The following NEGR1 variants were observed in gnomAD, a reference collection of about 807,000 sequenced individuals.
NEGR1 encodes the protein IgLON family member 4.
Under a neutral mutation model 40.9 loss-of-function variants are expected in NEGR1, and 10 were observed. The observed-to-expected ratio is 0.24, with a 90% CI of 0.15 to 0.42. The LOEUF is 0.42. Among genes scored for constraint, NEGR1 ranks in the 10% least tolerant of loss-of-function variants. The pLI is 1.00. For synonymous variants in NEGR1, 185 were observed against 166.8 expected, an observed-to-expected ratio of 1.11 and a Z score of -0.84; for missense variants, 352 against 438.9, an observed-to-expected ratio of 0.80 and a Z score of 1.77.
intron 4 of NEGR1, among the ~76,000 whole-genome samples, chr1:71,665,582 T>C (rs1364530367): frequency 6.6e-6 from 1 of 152,192 alleles, no homozygotes. Context: ...ATAAGCAGCC[T>C]GTCCCATTGT....
Position 71,622,130 on chromosome 1 carries a change from T to C in NEGR1, c.668-10984A>G, listed in dbSNP as rs571946551. 2.6e-4 allele frequency among the ~76,000 whole-genome samples: 39 copies of C among 152,060 alleles called. 1 individual carries two copies. The South Asian group carries it at 6.2e-3, about 24-fold the overall frequency. On this transcript the variant is annotated intron_variant, in intron 4 of 6. Coordinates refer to ENST00000357731, the MANE Select transcript of NEGR1 (RefSeq NM_173808.3). ...CACTGTAAAATATGTGTGAAATTTA[T>C]TGGGCCACCAGCTGTATCAACAGGA...
intron 1 of NEGR1, among the ~76,000 whole-genome samples, chr1:71,959,194 C>T (rs1646143087): frequency 6.6e-6 from 1 of 152,100 alleles, no homozygotes; most frequent in South Asian, 2.1e-4. Context: ...TGATGATTCT[C>T]AAATTCATCT....
intron 1 of NEGR1, among the ~76,000 whole-genome samples, chr1:71,941,929 A>G (rs1645963067): frequency 6.6e-6 from 1 of 152,056 alleles, no homozygotes; most frequent in African/African-American, 2.4e-5. Context: ...TGACTTGCTT[A>G]TTAACATTTG....
intron 1 of NEGR1, among the ~76,000 whole-genome samples, chr1:72,069,370 G>C (rs1304029572): frequency 6.6e-6 from 1 of 152,032 alleles, no homozygotes; most frequent in Non-Finnish European, 1.5e-5. Flanking sequence ...CCTGAGCCCA[G>C]AAGGCAGAGG....
At chr1:71,581,020 C>A (rs1050322347) in intron 6 of NEGR1, among the ~76,000 whole-genome samples, 4 of 152,138 alleles carry the variant, frequency 2.6e-5, no homozygotes, top group Non-Finnish European at 4.4e-5. Flanking sequence ...ATAAATGATA[C>A]TAAACACAAA....
intron 1 of NEGR1, among the ~76,000 whole-genome samples, chr1:72,155,497 CA>C: frequency 6.6e-6 from 1 of 151,836 alleles, no homozygotes; most frequent in African/African-American, 2.4e-5. Context: ...CCCAAATTCT[CA>C]AAAAAAGATG....
At chr1:72,193,310 A>G (rs1156498016) in intron 1 of NEGR1, among the ~76,000 whole-genome samples, 1 of 151,882 alleles carries the variant, frequency 6.6e-6, no homozygotes, top group Admixed American at 6.6e-5. Flanking sequence ...TAGTCCAGAA[A>G]AAAATCTATT....
chr1:71,959,500 A>G (rs534825964), intron 1 of NEGR1, among the ~76,000 whole-genome samples: 1 of 152,254 alleles, frequency 6.6e-6, no homozygotes, highest in South Asian at 2.1e-4. Context: ...AGTTCTTTTA[A>G]AAACATGCAT....
intron 2 of NEGR1, among the ~76,000 whole-genome samples, chr1:71,864,665 A>G (rs1660061182): frequency 6.6e-6 from 1 of 152,158 alleles, no homozygotes; most frequent in South Asian, 2.1e-4. Context: ...GGGCAACACA[A>G]GACAGGAGCT....
At chr1:72,147,783 A>G (rs1570040987) in intron 1 of NEGR1, among the ~76,000 whole-genome samples, 1 of 152,272 alleles carries the variant, frequency 6.6e-6, no homozygotes, top group East Asian at 1.9e-4. Flanking sequence ...AAATTGGCCA[A>G]AACAAATGGG....
chr1:71,491,487 C>G (rs1557544344), intron 6 of NEGR1, among the ~76,000 whole-genome samples: 1 of 150,980 alleles, frequency 6.6e-6, no homozygotes, highest in Non-Finnish European at 1.5e-5. Context: ...TGACTACAAG[C>G]AAGTAATGGA....
rs981363629 is a variant in NEGR1 at position 71,923,137 on chromosome 1, C to T, written c.409+11942G>A. ...TTTTATATGCAGCCCCTGTTCTGCT[C>T]ACTCAGGTTAGGTCAGTAAGATAGA... On this transcript the variant is annotated intron_variant, in intron 2 of 6. Transcript: ENST00000357731. Among the ~76,000 whole-genome samples the T allele has an allele frequency of 2.0e-5, 3 of 152,142 alleles. No individual in the cohort carries two copies. In the South Asian group the frequency reaches 6.2e-4, roughly 31 times the overall value.
At position 71,668,509 on chromosome 1, in the gene NEGR1, T is replaced by A. The variant is rs76487613; in HGVS notation, c.667+29499A>T. ...ACTATTCTTTTTTTAATTGATAGAATATTTGCCTTTGAGAGAGAAACGTCG... is the reference window on the plus strand; with the variant it reads ...ACTATTCTTTTTTTAATTGATAGAAAATTTGCCTTTGAGAGAGAAACGTCG... On this transcript the variant is annotated intron_variant, in intron 4 of 6. Transcript: ENST00000357731. 9.8e-3 allele frequency among the ~76,000 whole-genome samples: 1,486 copies of A among 152,264 alleles called. 15 individuals are homozygous for A. The highest frequency in any genetic ancestry group is 0.034 in the Middle Eastern group (10 of 294).
At chr1:71,547,203 C>A (rs935271252) in intron 6 of NEGR1, among the ~76,000 whole-genome samples, 2 of 151,744 alleles carry the variant, frequency 1.3e-5, no homozygotes, top group African/African-American at 4.8e-5. Flanking sequence ...TCCCTATTAA[C>A]CTCTTCTAAA....
chr1:72,099,554 T>C (rs999711609), intron 1 of NEGR1, among the ~76,000 whole-genome samples: 1 of 152,010 alleles, frequency 6.6e-6, no homozygotes, highest in African/African-American at 2.4e-5. Flanking sequence ...AATTTTCTTC[T>C]TTAGTAGTAC....
chr1:72,204,461 T>G (rs1436691470), intron 1 of NEGR1, among the ~76,000 whole-genome samples: 1 of 152,122 alleles, frequency 6.6e-6, no homozygotes, highest in African/African-American at 2.4e-5. Flanking sequence ...AGTCATCGTA[T>G]CAGTAGAACT....
At chr1:72,068,773 CAAG>C in intron 1 of NEGR1, among the ~76,000 whole-genome samples, 1 of 151,994 alleles carries the variant, frequency 6.6e-6, no homozygotes. Context: ...TTTGTCTTAC[CAAG>C]AAGATAAAAT....
intron 6 of NEGR1, 102 bp from the exon 7 acceptor site, chr1:71,407,672 A>G: frequency 9.2e-7 from 1 of 1,091,436 alleles, no homozygotes; most frequent in Non-Finnish European, 1.4e-6. Flanking sequence ...AAGCACTGAC[A>G]TTGGAGTCAG....
chr1:71,474,120 A>G (rs979335670), intron 6 of NEGR1, among the ~76,000 whole-genome samples: 4 of 152,050 alleles, frequency 2.6e-5, no homozygotes, highest in African/African-American at 4.8e-5. Context: ...AGGGTAAGAA[A>G]GTTTGTCACC....
Sources: allele counts gnomAD v4.1 joint callset (sites outside exome capture counted in the v4.1 genomes callset), GRCh38; gene constraint gnomAD v4.1.1; transcripts MANE v1.5; gene names NCBI Gene and HGNC (gene_info 2026-07-23, HGNC 2026-07-21).